Variants in SLC39A10 observed in about 807,000 individuals in gnomAD.
SLC39A10 encodes the protein zinc transporter ZIP10.
SLC39A10 carries 13 observed loss-of-function variants against 65.1 expected under a neutral mutation model. The observed-to-expected ratio is 0.20, with a 90% CI of 0.13 to 0.32. The LOEUF (loss-of-function observed/expected upper bound fraction) is 0.32. Ranked by LOEUF, SLC39A10 falls within the 10% of genes least tolerant of loss-of-function variation. The pLI, the probability that SLC39A10 is intolerant of heterozygous loss-of-function variation, is 1.00. For synonymous variants in SLC39A10, 321 were observed against 342.2 expected, an observed-to-expected ratio of 0.94 and a Z score of 0.68; for missense variants, 831 against 1,018.4, an observed-to-expected ratio of 0.82 and a Z score of 2.50.
chr2:195,727,279 C>T (rs771351838), intron 8 of SLC39A10, among the ~76,000 whole-genome samples: 2 of 152,182 alleles, frequency 1.3e-5, no homozygotes, highest in African/African-American at 2.4e-5. Flanking sequence ...TTTTGTCTTA[C>T]ATCAGCTCTG....
At chr2:195,644,287 AG>A (rs1270040064) in intron 2 of SLC39A10, among the ~76,000 whole-genome samples, 1 of 151,880 alleles carries the variant, frequency 6.6e-6, no homozygotes, top group Non-Finnish European at 1.5e-5. Flanking sequence ...GCTTGAGCTC[AG>A]GAGTTCAGTA....
Position 195,737,603 on chromosome 2 carries a change from G to GTTT in SLC39A10, c.*2572_*2574dup, listed in dbSNP as rs5837477. 1.8e-4 allele frequency: 31 copies of GTTT among 168,000 alleles called. No individual in the cohort carries two copies. The highest frequency in any genetic ancestry group is 3.0e-4 in the Non-Finnish European group (24 of 79,158). The allele number at this position is 168,000 out of a possible 1,614,324, so 10.4% of individuals were successfully genotyped here. A position where few individuals can be genotyped will look rare whatever the true frequency, so the allele number is the denominator to read the frequency against. On this transcript the variant is annotated 3_prime_UTR_variant, in exon 10 of 10. Transcript: ENST00000359634. Reference sequence around the variant, plus strand: ...AAAAAGCTGGAAAATATCAAATGCTGTTTTTTTTTTTTCATTGTCAACAGT... The same window carrying GTTT: ...AAAAAGCTGGAAAATATCAAATGCTGTTTTTTTTTTTTTTTCATTGTCAACAGT...
At chr2:195,704,787 T>G (rs189547098) in intron 3 of SLC39A10, among the ~76,000 whole-genome samples, 76 of 147,696 alleles carry the variant, frequency 5.1e-4, no homozygotes, top group African/African-American at 1.8e-3. Flanking sequence ...CCTGTGTTTT[T>G]TTGTTGTTGT....
chr2:195,713,315 A>G, intron 5 of SLC39A10, 118 bp from the exon 6 acceptor site: 1 of 817,060 alleles, frequency 1.2e-6, no homozygotes. Context: ...CCTTTAAAAT[A>G]ATTTATATAT....
Position 195,683,690 on chromosome 2 carries a change from T to C in SLC39A10, c.1009-9T>C. 6.2e-7 allele frequency: 1 copy of C among 1,608,594 alleles called. No individual in the cohort carries two copies. The highest frequency in any genetic ancestry group is 1.1e-5 in the South Asian group (1 of 90,644). ...TCTTATTTAATTTGTTTTATCACTTTCCTTGCAGTGTTTGAACGTCACTCA... is the reference window on the plus strand; with the variant it reads ...TCTTATTTAATTTGTTTTATCACTTCCCTTGCAGTGTTTGAACGTCACTCA... On this transcript the variant is annotated splice_polypyrimidine_tract_variant and intron_variant, in intron 2 of 9. Transcript: ENST00000359634.
chr2:195,705,391 C>T (rs1381861429), intron 3 of SLC39A10, among the ~76,000 whole-genome samples: 4 of 152,088 alleles, frequency 2.6e-5, no homozygotes, highest in South Asian at 2.1e-4. Flanking sequence ...TGTTTTAATT[C>T]GGTGAGATAA....
rs59346406 is a variant in SLC39A10, at chr2:195,709,193, T to TTGTATGTA, written c.1575+395_1575+402dup. On this transcript the variant is annotated intron_variant, in intron 5 of 9. Coordinates refer to ENST00000359634, the MANE Select transcript of SLC39A10 (RefSeq NM_020342.3). Reference sequence around the variant, plus strand: ...GCACATGCCACCATGCCCAGCTAACTTGTATGTATGTATGTATGTATGTAT... The same window carrying TTGTATGTA: ...GCACATGCCACCATGCCCAGCTAACTTGTATGTATGTATGTATGTATGTATGTATGTAT... 6.9e-3 allele frequency among the ~76,000 whole-genome samples: 994 copies of TTGTATGTA among 145,020 alleles called. 4 individuals carry two copies. Among genetic ancestry groups the TTGTATGTA allele is most frequent in the African/African-American group, 0.011 (414 of 38,996 alleles).
intron 2 of SLC39A10, among the ~76,000 whole-genome samples, chr2:195,628,903 C>T (rs745781919): frequency 2.0e-5 from 3 of 152,204 alleles, no homozygotes; most frequent in Non-Finnish European, 4.4e-5. Context: ...CTCTTCAGAG[C>T]TTGACCTGCA....
intron 2 of SLC39A10, among the ~76,000 whole-genome samples, chr2:195,616,957 TTTG>T (rs1342715069): frequency 2.0e-5 from 3 of 152,282 alleles, no homozygotes; most frequent in African/African-American, 7.2e-5. Context: ...AACTACCTGT[TTTG>T]TTGTTGTGTT....
intron 1 of SLC39A10, among the ~76,000 whole-genome samples, chr2:195,673,155 C>G (rs1689939126): frequency 6.6e-6 from 1 of 152,114 alleles, no homozygotes; most frequent in African/African-American, 2.4e-5. Flanking sequence ...TCAGATAGAT[C>G]ATAACATTCA....
chr2:195,715,614 A>G (rs1244622565), intron 6 of SLC39A10, among the ~76,000 whole-genome samples: 5 of 152,184 alleles, frequency 3.3e-5, no homozygotes, highest in African/African-American at 1.2e-4. Flanking sequence ...ATAAATATAA[A>G]GAAGCAATAC....
At chr2:195,657,382 A>T in intron 1 of SLC39A10, 101 bp downstream of exon 1, 1 of 985,416 alleles carries the variant, frequency 1.0e-6, no homozygotes, top group Non-Finnish European at 1.2e-6. Context: ...GTAGAAAGGG[A>T]GAACAGAACC....
At chr2:195,719,806 TC>T (rs1233532745) in intron 8 of SLC39A10, among the ~76,000 whole-genome samples, 2 of 150,772 alleles carry the variant, frequency 1.3e-5, no homozygotes, top group African/African-American at 2.4e-5. Context: ...TTTTTTTTTT[TC>T]GAGACAGAGT....
chr2:195,652,206 G>T (rs905808965), upstream of SLC39A10, among the ~76,000 whole-genome samples: 1 of 152,176 alleles, frequency 6.6e-6, no homozygotes, highest in African/African-American at 2.4e-5. Context: ...GAGTGTCTGG[G>T]TTAAGATAAG....
intron 3 of SLC39A10, among the ~76,000 whole-genome samples, chr2:195,706,264 T>A (rs979543641): frequency 1.8e-4 from 27 of 151,904 alleles, no homozygotes; most frequent in African/African-American, 6.5e-4. Flanking sequence ...ATTCTTTAAA[T>A]AAACAGCTTT....
intron 1 of SLC39A10, among the ~76,000 whole-genome samples, chr2:195,675,442 T>C (rs1690043051): frequency 6.6e-6 from 1 of 152,194 alleles, no homozygotes; most frequent in Non-Finnish European, 1.5e-5. Flanking sequence ...GTAATAAGGA[T>C]TCTCTTTTTT....
chr2:195,703,784 G>T (rs1359608291), intron 3 of SLC39A10, among the ~76,000 whole-genome samples: 2 of 152,112 alleles, frequency 1.3e-5, no homozygotes. Flanking sequence ...CTCCCAAGGA[G>T]CTTGGACTAC....
chr2:195,704,544 A>C (rs1193163036), intron 3 of SLC39A10, among the ~76,000 whole-genome samples: 1 of 152,138 alleles, frequency 6.6e-6, no homozygotes, highest in Non-Finnish European at 1.5e-5. Context: ...TCGTGTCTAA[A>C]ATTTATACCT....
intron 2 of SLC39A10, among the ~76,000 whole-genome samples, chr2:195,681,418 C>T (rs576347999): frequency 3.9e-5 from 6 of 151,976 alleles, no homozygotes; most frequent in South Asian, 4.2e-4. Flanking sequence ...CCCAGCTACT[C>T]GGGAGGCTGA....
Sources: gnomAD v4.1 joint callset for allele counts (sites outside exome capture counted in the v4.1 genomes callset) on GRCh38, gnomAD v4.1.1 for gene constraint, MANE v1.5 for transcripts, NCBI Gene and HGNC (gene_info 2026-07-23, HGNC 2026-07-21) for gene names.